PIGN: variants seen among roughly 807,000 people sequenced by gnomAD.
PIGN encodes GPI ethanolamine phosphate transferase 1.
PIGN carries 117 observed loss-of-function variants against 125.4 expected under a neutral mutation model. That is an observed-to-expected ratio of 0.93 (90% confidence interval 0.80 to 1.09). PIGN has a LOEUF of 1.09. Ranked by LOEUF, PIGN falls within the 50% of genes least tolerant of loss-of-function variation. The pLI is 0.00. For synonymous variants in PIGN, 392 were observed against 377.8 expected, an observed-to-expected ratio of 1.04 and a Z score of -0.44; for missense variants, 1,075 against 1,094.9, an observed-to-expected ratio of 0.98 and a Z score of 0.26.
intron 21 of PIGN, 56 bp from the exon 22 acceptor site, chr18:62,101,239 T>C (rs2034426706): frequency 1.1e-6 from 1 of 949,504 alleles, no homozygotes; most frequent in South Asian, 1.4e-5. Flanking sequence ...AGACTCTAAC[T>C]AGCAAGAATG....
chr18:62,043,982 A>G lies in PIGN; in HGVS notation c.*1874T>C, dbSNP rs928036200. On this transcript the variant is annotated 3_prime_UTR_variant, in exon 31 of 31. Transcript: ENST00000640252. ...AAAAATATACATTTCAAAACATTTA[A>G]AGATATCTGGGAAACTGCAACAGAA... 1.3e-5 allele frequency: 2 copies of G among 152,208 alleles called. No individual in the cohort carries two copies. The highest frequency in any genetic ancestry group is 2.9e-5 in the Non-Finnish European group (2 of 68,044). The allele number at this position is 152,208 out of a possible 1,614,324, so 9.4% of individuals were successfully genotyped here.
chr18:62,025,422 T>C (rs1463275990), intron 23 of PIGN, among the ~76,000 whole-genome samples: 2 of 152,184 alleles, frequency 1.3e-5, no homozygotes, highest in Non-Finnish European at 2.9e-5. Flanking sequence ...TAAGGGTATA[T>C]GTAAAGACCA....
intron 14 of PIGN, chr18:62,137,929 A>G: frequency 3.8e-6 from 1 of 264,944 alleles, no homozygotes; most frequent in South Asian, 7.3e-5. Flanking sequence ...AACCAAGCCA[A>G]GTGCCAGGAA....
At chr18:62,137,896 A>C in intron 14 of PIGN, 1 of 202,202 alleles carries the variant, frequency 4.9e-6, no homozygotes, top group East Asian at 1.4e-4. Context: ...AAAAAGCCAT[A>C]TGGTACCAGC....
chr18:62,025,924 C>A (rs543733150), intron 23 of PIGN, among the ~76,000 whole-genome samples: 1 of 152,178 alleles, frequency 6.6e-6, no homozygotes, highest in Admixed American at 6.5e-5. Flanking sequence ...GCTACCCATG[C>A]GTCTGGTCCT....
In PIGN at chr18:62,065,037, T is replaced by C. The variant is rs2032423652; in HGVS notation, c.2672+7636A>G. ...TCCTGGACAAGGACAAACACGGGAC[T>C]TCCGGAATAGACCAAAGGCTGATAC... On this transcript the variant is annotated intron_variant, in intron 30 of 30. Transcript: ENST00000640252. Among the ~76,000 whole-genome samples the C allele has an allele frequency of 3.9e-5, 6 of 152,278 alleles. No individual in the cohort carries two copies. The South Asian group carries it at 1.2e-3, about 32-fold the overall frequency.
intron 10 of PIGN, 26 bp from the exon 11 acceptor site, chr18:62,143,372 T>C: frequency 7.1e-7 from 1 of 1,404,808 alleles, no homozygotes; most frequent in Non-Finnish European, 9.9e-7. Flanking sequence ...AGACACAAGA[T>C]CTGATGTTAA....
intron 14 of PIGN, among the ~76,000 whole-genome samples, chr18:62,133,266 C>A (rs975188764): frequency 1.3e-5 from 2 of 152,046 alleles, no homozygotes; most frequent in Admixed American, 1.3e-4. Context: ...GGGATGTAAC[C>A]CCATCATAAG....
At chr18:62,024,977 T>G (rs542528465) in intron 23 of PIGN, among the ~76,000 whole-genome samples, 4 of 152,218 alleles carry the variant, frequency 2.6e-5, no homozygotes, top group Non-Finnish European at 4.4e-5. Context: ...ACCACTCTTA[T>G]GGGTACAAGT....
rs759217895 is a variant in PIGN, at chr18:62,090,523, T to C, written c.2236A>G (p.Ile746Val). Reference protein sequence around the residue: ...LSCLMFVWINIEQETLQQSGV... With the variant: ...LSCLMFVWINVEQETLQQSGV... ...GATTGTTGTAGAGTTTCTTGTTCTA[T>C]GTTTATCCAGACAAACATCAAACAA... The change falls in exon 24 of 31, where the codon ATA (isoleucine) becomes GTA (valine). Residue 746 changes from isoleucine to valine, a missense_variant. By Grantham distance (29) the Ile-to-Val change is conservative. This residue lies in a region of PIGN where 915 missense variants were observed against 908.7 expected (regional missense o/e 1.01). Coordinates refer to ENST00000640252, the MANE Select transcript of PIGN (RefSeq NM_176787.5). The C allele has an allele frequency of 1.2e-6, 2 of 1,611,598 alleles. No individual in the cohort carries two copies. The highest frequency in any genetic ancestry group is 1.3e-5 in the African/African-American group (1 of 74,844).
intron 1 of PIGN, among the ~76,000 whole-genome samples, chr18:62,174,947 C>T (rs2037468959): frequency 6.7e-6 from 1 of 149,084 alleles, no homozygotes; most frequent in Admixed American, 6.7e-5. Flanking sequence ...AAACAACTCC[C>T]CTAATCAAAT....
chr18:62,084,548 C>T lies in PIGN; in HGVS notation c.2485G>A (p.Ala829Thr), dbSNP rs1365364213. ...LTVFSPFMMG[A>T]LMMWKILIPF... ...AAACTAACCTTCCACATCATCAGGG[C>T]TCCCATCATAAAAGGACTGAACACA... Residue 829 changes from alanine (A) to threonine (T), a missense_variant, in exon 27 of 31, where the codon GCC (alanine) becomes ACC (threonine). By Grantham distance (58) the Ala-to-Thr change is moderately conservative. Around this residue, in one of 3 missense-constraint regions of PIGN, gnomAD observed 915 missense variants for 908.7 expected, o/e 1.01. Transcript: ENST00000640252. The T allele has an allele frequency of 3.2e-6, 5 of 1,552,480 alleles. No individual in the cohort carries two copies. The highest frequency in any genetic ancestry group is 4.4e-6 in the Non-Finnish European group (5 of 1,145,248).
At chr18:62,118,548 A>T (rs1400170766) in intron 14 of PIGN, 2 of 152,202 alleles carry the variant, frequency 1.3e-5, no homozygotes, top group Non-Finnish European at 2.9e-5. Flanking sequence ...GAATTTGGGG[A>T]TATAGCTGCT....
rs548196655 is a variant in PIGN, at chr18:62,151,903, A to G, written c.549+2642T>C. 2.6e-5 allele frequency among the ~76,000 whole-genome samples: 4 copies of G among 152,230 alleles called. No individual in the cohort carries two copies. In the South Asian group the frequency reaches 8.3e-4, roughly 32 times the overall value. On this transcript the variant is annotated intron_variant, in intron 7 of 30. Coordinates refer to ENST00000640252, the MANE Select transcript of PIGN (RefSeq NM_176787.5). Reference sequence around the variant, plus strand: ...TGGCCTACTGTCAACGAAGAGTCACACTCTATAAAATATTTGAAGAGATTT... The same window carrying G: ...TGGCCTACTGTCAACGAAGAGTCACGCTCTATAAAATATTTGAAGAGATTT...
intron 30 of PIGN, among the ~76,000 whole-genome samples, chr18:62,071,371 A>T (rs1183704334): frequency 6.6e-6 from 1 of 152,114 alleles, no homozygotes; most frequent in African/African-American, 2.4e-5. Flanking sequence ...AACATCTATC[A>T]TCCTCCCCAC....
At chr18:62,046,995 G>C (rs1448643129) in intron 30 of PIGN, among the ~76,000 whole-genome samples, 1 of 152,108 alleles carries the variant, frequency 6.6e-6, no homozygotes, top group Non-Finnish European at 1.5e-5. Context: ...AATGCCACTG[G>C]GCACAGACCA....
At chr18:62,147,182 A>T in intron 8 of PIGN, 81 bp from the exon 9 acceptor site, 1 of 1,428,696 alleles carries the variant, frequency 7.0e-7, no homozygotes, top group Non-Finnish European at 9.4e-7. Context: ...TTACATTCAA[A>T]ATCAGTAACT....
intron 1 of PIGN, among the ~76,000 whole-genome samples, chr18:62,164,931 T>C (rs1334032931): frequency 6.6e-6 from 1 of 152,062 alleles, no homozygotes; most frequent in Non-Finnish European, 1.5e-5. Context: ...GATAATCGAG[T>C]TATACTTTGG....
Position 62,084,588 on chromosome 18 carries a change from G to T in PIGN, c.2445C>A (p.Val815=). Reference sequence around the variant, plus strand: ...GACTGAACACAGTCAGAAAGCAATAGACAGAGGCAAGATCAAAGCTAGGGA... The same window carrying T: ...GACTGAACACAGTCAGAAAGCAATATACAGAGGCAAGATCAAAGCTAGGGA... ...ASINSFDLAS[V]YCFLTVFSPF... The change falls in exon 27 of 31, where the codon GTC becomes GTA. Residue 815 remains valine, a synonymous_variant. Transcript: ENST00000640252. 1 of 1,556,328 alleles carries T rather than the reference G, an allele frequency of 6.4e-7. No individual in the cohort carries two copies. The highest frequency in any genetic ancestry group is 1.2e-5 in the South Asian group (1 of 84,330).
Sources: allele counts gnomAD v4.1 joint callset (sites outside exome capture counted in the v4.1 genomes callset), GRCh38; gene constraint gnomAD v4.1.1; regional missense constraint gnomAD v4.1.1; transcripts MANE v1.5; gene names NCBI Gene and HGNC (gene_info 2026-07-23, HGNC 2026-07-21).